The following BRD3 variants were observed in gnomAD, a reference collection of about 807,000 sequenced individuals.
BRD3 encodes the protein bromodomain-containing protein 3.
Under a neutral mutation model 66.8 loss-of-function variants are expected in BRD3, and 17 were observed. The ratio of observed to expected loss-of-function variants is 0.25; its 90% CI spans 0.17 to 0.38. The LOEUF is 0.38. Among genes scored for constraint, BRD3 ranks in the 10% least tolerant of loss-of-function variants. The pLI is 1.00. For missense variants in BRD3, 713 were observed against 956.1 expected, an observed-to-expected ratio of 0.75 and a Z score of 3.35; for synonymous variants, 421 against 393.2, an observed-to-expected ratio of 1.07 and a Z score of -0.84.
At chr9:134,056,016 C>T (rs1424039038) in intron 1 of BRD3, 1 of 152,348 alleles carries the variant, frequency 6.6e-6, no homozygotes, top group East Asian at 1.9e-4. Flanking sequence ...GGAGTGCATG[C>T]CTCGTCCTGG....
chr9:134,051,614 G>A lies in BRD3; in HGVS notation c.447C>T (p.Pro149=). Residue 149 remains proline, a synonymous_variant, in exon 4 of 12, where the codon CCC becomes CCT. Transcript: ENST00000303407. ...QMPQEEVELL[P]PAPKGKGRKP... ...TCCGACCTTTGCCCTTTGGAGCAGG[G>A]GGTAATAATTCAACTTCCTCTTGGG... The A allele has an allele frequency of 6.3e-7, 1 of 1,585,158 alleles. No individual in the cohort carries two copies. Among genetic ancestry groups the A allele is most frequent in the East Asian group, 2.3e-5 (1 of 42,976 alleles).
At chr9:134,062,580 A>C (rs1045304312) in intron 1 of BRD3, among the ~76,000 whole-genome samples, 14 of 152,180 alleles carry the variant, frequency 9.2e-5, no homozygotes, top group Admixed American at 6.5e-4. Context: ...CCTTCTGGCC[A>C]CAACCCGTCA....
At position 134,041,918 on chromosome 9, in the gene BRD3, C is replaced by G; in HGVS notation, c.1249G>C (p.Asp417His). 1 of 1,602,770 alleles carries G rather than the reference C, an allele frequency of 6.2e-7. No homozygotes were observed. Among genetic ancestry groups the G allele is most frequent in the South Asian group, 1.1e-5 (1 of 89,956 alleles). The change falls in exon 8 of 12, where the codon GAT becomes CAT. Residue 417 changes from aspartate to histidine, a missense_variant. Transcript: ENST00000303407. ...AGCGCCGGTGCCTCCACGGGCTCAT[C>G]TGGCATCTTGGCAAACCTCATCTCA... ...VFEMRFAKMP[D>H]EPVEAPALPA... is the part of the protein sequence containing the mutation.
chr9:134,065,176 G>A (rs537781262), intron 1 of BRD3, among the ~76,000 whole-genome samples: 1 of 152,320 alleles, frequency 6.6e-6, no homozygotes, highest in Non-Finnish European at 1.5e-5. Flanking sequence ...TGTAATCCCA[G>A]CACTTTGGGA....
chr9:134,060,808 T>C (rs2132451844), intron 1 of BRD3, among the ~76,000 whole-genome samples: 1 of 152,356 alleles, frequency 6.6e-6, no homozygotes, highest in South Asian at 2.1e-4. Flanking sequence ...CCTTGCTGTG[T>C]GGCCCCAGGC....
At chr9:134,047,812 T>C (rs1830207164) in intron 6 of BRD3, among the ~76,000 whole-genome samples, 2 of 151,614 alleles carry the variant, frequency 1.3e-5, no homozygotes, top group East Asian at 1.9e-4. Context: ...GAATGGGAGG[T>C]AGGAATGAAA....
rs1830145319 is a variant in BRD3, at chr9:134,045,367, G to A, written c.1141C>T (p.Arg381Trp). The A allele has an allele frequency of 4.3e-6, 7 of 1,613,710 alleles. No individual in the cohort carries two copies. Among genetic ancestry groups the A allele is most frequent in the Non-Finnish European group, 5.9e-6 (7 of 1,180,008 alleles). The change falls in exon 7 of 12, where the codon CGG (arginine) becomes TGG (tryptophan). Residue 381 changes from arginine (R) to tryptophan (W), a missense_variant. Arg to Trp is a moderately radical substitution (Grantham distance 101). Around this residue, in one of 5 missense-constraint regions of BRD3, gnomAD observed 418 missense variants for 609.3 expected, o/e 0.69. Coordinates refer to ENST00000303407, the MANE Select transcript of BRD3 (RefSeq NM_007371.4). The surrounding 1 kb of genome is among the most constrained non-coding windows in gnomAD (Gnocchi z 4.8). Reference protein sequence around the residue: ...PDAQGFAADVRLMFSNCYKYN... With the variant: ...PDAQGFAADVWLMFSNCYKYN... ...TTGTAGCAATTCGAGAACATCAGCC[G>A]GACATCAGCAGCAAAGCCCTGTGCG...
chr9:134,050,362 C>A lies in BRD3; in HGVS notation c.714+12G>T. On this transcript the variant is annotated intron_variant, in intron 5 of 11. Transcript: ENST00000303407. ...CTCAGGTGCCCCACCCATCCGGACT[C>A]AGGGTGCTCACCTTGACGACAGGCG... The A allele has an allele frequency of 1.2e-6, 2 of 1,606,628 alleles. No individual in the cohort carries two copies. Among genetic ancestry groups the A allele is most frequent in the Non-Finnish European group, 1.7e-6 (2 of 1,177,144 alleles).
At chr9:134,051,845 A>ATG (rs1554829347) in intron 3 of BRD3, 136 bp from the exon 4 acceptor site, 138 of 725,478 alleles carry the variant, frequency 1.9e-4, no homozygotes, top group Non-Finnish European at 2.4e-4. Flanking sequence ...CAAAATGAAT[A>ATG]TATGTGTGTG....
At chr9:134,059,406 G>A (rs142462319) in intron 1 of BRD3, among the ~76,000 whole-genome samples, 1 of 152,232 alleles carries the variant, frequency 6.6e-6, no homozygotes, top group Admixed American at 6.5e-5. Context: ...GTGGGGCAGG[G>A]GTGGGGCAGA....
At chr9:134,051,878 T>TGTGTGTGTGTGTGTGTGTGTGTG (rs372701647) in intron 3 of BRD3, among the ~76,000 whole-genome samples, 169 bp from the exon 4 acceptor site, 15 of 116,292 alleles carry the variant, frequency 1.3e-4, no homozygotes, top group African/African-American at 5.2e-4. Flanking sequence ...TGTGTGTGTG[T>TGTGTGTGTGTGTGTGTGTGTGTG]TGTTTTTTTT....
intron 6 of BRD3, among the ~76,000 whole-genome samples, chr9:134,046,317 T>C (rs1461844537): frequency 2.0e-5 from 3 of 152,172 alleles, no homozygotes; most frequent in Admixed American, 1.3e-4. Flanking sequence ...GGGAGTGAGT[T>C]TCCCATCCTG....
At chr9:134,049,900 G>A (rs12352008) in intron 5 of BRD3, among the ~76,000 whole-genome samples, 1 of 152,164 alleles carries the variant, frequency 6.6e-6, no homozygotes, top group African/African-American at 2.4e-5. Context: ...GGCCCACTGA[G>A]AAAAGCTCCC....
intron 1 of BRD3, among the ~76,000 whole-genome samples, chr9:134,067,635 G>C (rs1444174562): frequency 6.9e-6 from 1 of 145,662 alleles, no homozygotes; most frequent in Non-Finnish European, 1.5e-5. Context: ...TCCGGGCTGC[G>C]CGCCCCGGCC....
intron 9 of BRD3, chr9:134,036,722 T>C: frequency 1.1e-6 from 1 of 890,118 alleles, no homozygotes; most frequent in Non-Finnish European, 1.8e-6. Context: ...ATATAAACGG[T>C]CTAGGGCCGG....
rs199677221 is a variant in BRD3, at chr9:134,048,422, G to A, written c.747C>T (p.Thr249=). ...CAGTGATGGCCGACGTCGTGGGAGT[G>A]GTTGTGTCTGCTTTCCGCTTCACGC... ...KKGVKRKADT[T]TPTTSAITAS... Residue 249 remains threonine, a synonymous_variant, in exon 6 of 12, where the codon ACC becomes ACT. Transcript: ENST00000303407. The A allele has an allele frequency of 1.3e-5, 21 of 1,598,620 alleles. No homozygotes were observed. The highest frequency in any genetic ancestry group is 1.8e-5 in the Non-Finnish European group (21 of 1,179,906).
chr9:134,060,285 G>A (rs751457892), intron 1 of BRD3, among the ~76,000 whole-genome samples: 8 of 152,210 alleles, frequency 5.3e-5, no homozygotes, highest in Non-Finnish European at 8.8e-5. Context: ...AGCAGTGAGT[G>A]GGTCTGGTGA....
At chr9:134,036,681 C>T (rs538996872) in intron 9 of BRD3, 38 of 1,067,028 alleles carry the variant, frequency 3.6e-5, no homozygotes, top group South Asian at 1.5e-4. Flanking sequence ...AATGAGAGAC[C>T]GAAATCCAAT....
chr9:134,045,299 C>G lies in BRD3; in HGVS notation c.1209G>C (p.Lys403Asn), dbSNP rs1350934426. 1 of 1,613,376 alleles carries G rather than the reference C, an allele frequency of 6.2e-7. No homozygotes were observed. The highest frequency in any genetic ancestry group is 8.5e-7 in the Non-Finnish European group (1 of 1,179,994). Reference sequence around the variant, plus strand: ...GTGCCCAGCCTCGGGTTACCTGGAGCTTCCGGGCCATGGCCACAACCTCGT... The same window carrying G: ...GTGCCCAGCCTCGGGTTACCTGGAGGTTCCGGGCCATGGCCACAACCTCGT... The part of the protein sequence containing the change: ...PDHEVVAMAR[K>N]LQDVFEMRFA... The change falls in exon 7 of 12, where the codon AAG becomes AAC. Residue 403 changes from lysine (K) to asparagine (N), a missense_variant. Coordinates refer to ENST00000303407, the MANE Select transcript of BRD3 (RefSeq NM_007371.4). This position sits in a 1 kb window ranked among gnomAD's most constrained non-coding sequence, Gnocchi z 4.8.
Sources: gnomAD v4.1 joint callset for allele counts (sites outside exome capture counted in the v4.1 genomes callset) on GRCh38, gnomAD v4.1.1 for gene constraint, gnomAD v4.1.1 regional missense constraint, Gnocchi (gnomAD v3.1) non-coding constraint, MANE v1.5 for transcripts, NCBI Gene and HGNC (gene_info 2026-07-23, HGNC 2026-07-21) for gene names.